Variants in TMEM131L observed in about 807,000 individuals in gnomAD.
TMEM131L encodes the protein transmembrane 131 like.
In TMEM131L, 54 loss-of-function variants were observed where a neutral mutation model predicts 192.2. That is an observed-to-expected ratio of 0.28 (90% confidence interval 0.23 to 0.35). TMEM131L has a LOEUF of 0.35. TMEM131L is among the 10% of genes least tolerant of loss of function. TMEM131L has a pLI of 1.00. For synonymous variants in TMEM131L, 701 were observed against 704.9 expected (o/e 0.99, Z 0.09); for missense variants, 1,888 against 1,972.9 (o/e 0.96, Z 0.82).
chr4:153,520,429 A>G (rs1003615866), intron 3 of TMEM131L, among the ~76,000 whole-genome samples: 24 of 152,218 alleles, frequency 1.6e-4, no homozygotes, highest in Admixed American at 3.3e-4. Flanking sequence ...TGATCACACC[A>G]TTGCTCTCCA....
chr4:153,581,498 C>G lies in TMEM131L; in HGVS notation c.830C>G (p.Thr277Arg). 6.2e-7 allele frequency: 1 copy of G among 1,604,428 alleles called. No homozygotes were observed. Among genetic ancestry groups the G allele is most frequent in the Non-Finnish European group, 8.5e-7 (1 of 1,174,374 alleles). ...TTTTCAAAAGAATTTGAAGAAAACACACAACATTTGTTAGATCATCTCTCT... is the reference window on the plus strand; with the variant it reads ...TTTTCAAAAGAATTTGAAGAAAACAGACAACATTTGTTAGATCATCTCTCT... Reference protein sequence around the residue: ...ENFSKEFEENTQHLLDHLSIV... With the variant: ...ENFSKEFEENRQHLLDHLSIV... The change falls in exon 9 of 35, where the codon ACA becomes AGA. Residue 277 changes from threonine to arginine, a missense_variant. Physicochemically the swap from Thr to Arg is moderately conservative, Grantham distance 71. Transcript: ENST00000409959.
Position 153,585,509 on chromosome 4 carries a change from G to A in TMEM131L, c.1209G>A (p.Glu403=). 1.9e-6 allele frequency: 3 copies of A among 1,614,034 alleles called. No individual in the cohort carries two copies. Among genetic ancestry groups the A allele is most frequent in the East Asian group, 2.2e-5 (1 of 44,884 alleles). The change falls in exon 13 of 35, where the codon GAG becomes GAA. Residue 403 remains glutamate (E), a synonymous_variant. Coordinates refer to ENST00000409959, the MANE Select transcript of TMEM131L (RefSeq NM_001131007.2). ...SATQFHIETH[E]NTSGLWSIWY... Reference sequence around the variant, plus strand: ...CCCAGTTTCACATAGAGACTCATGAGAACACATCAGGACTTTGGTCAATAT... The same window carrying A: ...CCCAGTTTCACATAGAGACTCATGAAAACACATCAGGACTTTGGTCAATAT...
intron 7 of TMEM131L, among the ~76,000 whole-genome samples, chr4:153,573,296 C>T (rs970809399): frequency 5.3e-5 from 8 of 152,264 alleles, no homozygotes; most frequent in Admixed American, 5.2e-4. Context: ...ATAAGCTGTG[C>T]CCATGCTACT....
chr4:153,628,076 C>A (rs1197482881), intron 31 of TMEM131L, among the ~76,000 whole-genome samples: 1 of 152,212 alleles, frequency 6.6e-6, no homozygotes, highest in Non-Finnish European at 1.5e-5. Context: ...TGTGCCTAGG[C>A]TGAGGGTGCA....
intron 34 of TMEM131L, 63 bp downstream of exon 34, chr4:153,635,634 C>G: frequency 6.3e-7 from 1 of 1,581,390 alleles, no homozygotes; most frequent in Non-Finnish European, 8.7e-7. Flanking sequence ...CCACTGCTTC[C>G]TTAATCCTGG....
At chr4:153,488,943 G>A (rs1207699251) in intron 3 of TMEM131L, among the ~76,000 whole-genome samples, 1 of 152,112 alleles carries the variant, frequency 6.6e-6, no homozygotes, top group Non-Finnish European at 1.5e-5. Context: ...GTGCTTTCAC[G>A]TGGCTGTCGT....
intron 7 of TMEM131L, among the ~76,000 whole-genome samples, chr4:153,572,609 G>A (rs552264770): frequency 3.9e-5 from 6 of 152,274 alleles, no homozygotes; most frequent in Non-Finnish European, 8.8e-5. Flanking sequence ...GGTATTTCAG[G>A]CATGAGCCAC....
intron 6 of TMEM131L, among the ~76,000 whole-genome samples, chr4:153,557,899 C>A (rs930131750): frequency 1.3e-5 from 2 of 152,148 alleles, no homozygotes; most frequent in Non-Finnish European, 2.9e-5. Flanking sequence ...CAGGCACAAG[C>A]GATTCTCCTG....
intron 7 of TMEM131L, among the ~76,000 whole-genome samples, chr4:153,559,366 A>G (rs533530900): frequency 6.6e-6 from 1 of 152,306 alleles, no homozygotes; most frequent in South Asian, 2.1e-4. Flanking sequence ...TTTGGTTTAA[A>G]TCCTAAAACC....
intron 3 of TMEM131L, among the ~76,000 whole-genome samples, chr4:153,480,765 A>T (rs182563513): frequency 3.3e-5 from 5 of 152,234 alleles, no homozygotes; most frequent in Admixed American, 3.3e-4. Flanking sequence ...CTCTATATAG[A>T]AGGAAGTTGA....
intron 3 of TMEM131L, among the ~76,000 whole-genome samples, chr4:153,522,182 G>A (rs1433896690): frequency 2.0e-5 from 3 of 152,136 alleles, no homozygotes; most frequent in Non-Finnish European, 4.4e-5. Context: ...GAGGAGAAAC[G>A]TGGAGTGGTG....
At chr4:153,467,653 A>G (rs1730859473) in intron 2 of TMEM131L, among the ~76,000 whole-genome samples, 1 of 152,258 alleles carries the variant, frequency 6.6e-6, no homozygotes, top group South Asian at 2.1e-4. Flanking sequence ...TATTGATTTC[A>G]TAAATGTTAG....
At chr4:153,627,461 C>T (rs1733926680) in intron 30 of TMEM131L, 144 bp from the exon 31 acceptor site, 1 of 606,690 alleles carries the variant, frequency 1.6e-6, no homozygotes, top group African/African-American at 1.9e-5. Context: ...ACTTTACATC[C>T]TTTATATCTG....
intron 3 of TMEM131L, among the ~76,000 whole-genome samples, chr4:153,480,409 A>G (rs1731852155): frequency 6.8e-6 from 1 of 146,946 alleles, no homozygotes; most frequent in African/African-American, 2.5e-5. Context: ...AGTCCCAGCT[A>G]CTCCAGAGGC....
intron 26 of TMEM131L, among the ~76,000 whole-genome samples, chr4:153,620,354 A>G (rs1733303635): frequency 1.3e-5 from 2 of 152,238 alleles, no homozygotes; most frequent in Admixed American, 6.5e-5. Flanking sequence ...AAACAAAAAC[A>G]TAAAGACACA....
At chr4:153,473,505 CA>C (rs1475642545) in intron 2 of TMEM131L, among the ~76,000 whole-genome samples, 1 of 151,946 alleles carries the variant, frequency 6.6e-6, no homozygotes, top group Non-Finnish European at 1.5e-5. Context: ...AAGATTTGCC[CA>C]GGGGTGGCCG....
intron 3 of TMEM131L, among the ~76,000 whole-genome samples, chr4:153,476,684 C>G (rs1580013234): frequency 6.6e-6 from 1 of 151,846 alleles, no homozygotes; most frequent in Admixed American, 6.6e-5. Flanking sequence ...GAGACAGATT[C>G]CATCTCAAAA....
At chr4:153,548,611 T>G (rs1360934475) in intron 3 of TMEM131L, among the ~76,000 whole-genome samples, 1 of 152,142 alleles carries the variant, frequency 6.6e-6, no homozygotes, top group Non-Finnish European at 1.5e-5. Flanking sequence ...CGGCATCACT[T>G]TATTATTAAT....
chr4:153,592,704 G>T (rs893628), intron 18 of TMEM131L, 120 bp downstream of exon 18: 1 of 708,006 alleles, frequency 1.4e-6, no homozygotes, highest in Non-Finnish European at 2.5e-6. Flanking sequence ...AGTATTAACC[G>T]ATTAGCTCAT....
Sources: gnomAD v4.1 joint callset for allele counts (sites outside exome capture counted in the v4.1 genomes callset) on GRCh38, gnomAD v4.1.1 for gene constraint, MANE v1.5 for transcripts, NCBI Gene and HGNC (gene_info 2026-07-23, HGNC 2026-07-21) for gene names.